The following ATP10B variants were observed in gnomAD, a reference collection of about 807,000 sequenced individuals.
ATP10B encodes the protein phospholipid-transporting ATPase VB.
Under a neutral mutation model 141.2 loss-of-function variants are expected in ATP10B, and 122 were observed. That is an observed-to-expected ratio of 0.86 (90% CI 0.75 to 1.00). The LOEUF is 1.00. Ranked by LOEUF, ATP10B falls within the 50% of genes least tolerant of loss-of-function variation. The pLI is 0.00. For synonymous variants in ATP10B, 685 were observed against 692.0 expected (o/e 0.99, Z 0.16); for missense variants, 1,876 against 1,825.3 (o/e 1.03, Z -0.51).
chr5:160,699,186 T>C (rs1247244255), intron 3 of ATP10B, among the ~76,000 whole-genome samples: 3 of 152,234 alleles, frequency 2.0e-5, no homozygotes, highest in Non-Finnish European at 4.4e-5. Context: ...AAAAAGACAG[T>C]GCAGGCAATA....
At chr5:160,715,374 T>G (rs1765557379) in intron 3 of ATP10B, among the ~76,000 whole-genome samples, 1 of 141,244 alleles carries the variant, frequency 7.1e-6, no homozygotes, top group Non-Finnish European at 1.5e-5. Flanking sequence ...AGTGACCCGA[T>G]TTTCCAGGTG....
Position 160,593,387 on chromosome 5 carries a change from G to A in ATP10B, c.3565-2248C>T, listed in dbSNP as rs1756458292. On this transcript the variant is annotated intron_variant, in intron 22 of 25. Transcript: ENST00000327245. ...CTGTTAGAAGGAAAACTAACAAATAGAAAGGACATCCACAGCAAAAACCCA... is the reference window on the plus strand; with the variant it reads ...CTGTTAGAAGGAAAACTAACAAATAAAAAGGACATCCACAGCAAAAACCCA... Among the ~76,000 whole-genome samples the A allele has an allele frequency of 2.0e-5, 3 of 152,292 alleles. No individual in the cohort carries two copies. In the South Asian group the frequency reaches 6.2e-4, roughly 32 times the overall value.
intron 24 of ATP10B, among the ~76,000 whole-genome samples, chr5:160,581,074 T>G (rs1400280368): frequency 1.3e-5 from 2 of 152,206 alleles, no homozygotes; most frequent in African/African-American, 4.8e-5. Flanking sequence ...GTCTATTTTG[T>G]TAATCTTTTC....
chr5:160,693,340 G>T (rs1764179808), intron 3 of ATP10B, among the ~76,000 whole-genome samples: 1 of 147,224 alleles, frequency 6.8e-6, no homozygotes, highest in African/African-American at 2.5e-5. Flanking sequence ...AACACTCTTG[G>T]TTTTAGGAAA....
chr5:160,904,504 C>CGTGT, the ATP10B span, among the ~76,000 whole-genome samples: 87,188 of 151,266 alleles, frequency 0.58, 25,403 homozygotes, highest in South Asian at 0.64. Flanking sequence ...TCTGGGTGTG[C>CGTGT]GTGTGTATGT....
chr5:160,860,448 C>T, the ATP10B span, among the ~76,000 whole-genome samples: 13 of 151,800 alleles, frequency 8.6e-5, no homozygotes, highest in African/African-American at 2.9e-4. Context: ...AGGCTTGGTT[C>T]TTCCTCTAGA....
the ATP10B span, among the ~76,000 whole-genome samples, chr5:160,906,838 G>C: frequency 6.6e-6 from 1 of 152,194 alleles, no homozygotes. Flanking sequence ...TGGCAGAGAG[G>C]AAAGACAGAA....
intron 9 of ATP10B, among the ~76,000 whole-genome samples, chr5:160,643,038 G>GAGTCTGGAC (rs1218682823): frequency 6.6e-6 from 1 of 152,014 alleles, no homozygotes; most frequent in Non-Finnish European, 1.5e-5. Context: ...GATTGCTGGA[G>GAGTCTGGAC]AGTTCATTTT....
At chr5:160,603,232 T>C (rs1757194831) in intron 20 of ATP10B, 1 of 155,404 alleles carries the variant, frequency 6.4e-6, no homozygotes, top group Admixed American at 6.2e-5. Flanking sequence ...AACATGCCTG[T>C]TTATAAGTCC....
intron 2 of ATP10B, among the ~76,000 whole-genome samples, chr5:160,771,630 CAT>C (rs994836653): frequency 2.4e-4 from 37 of 152,210 alleles, no homozygotes; most frequent in Admixed American, 8.5e-4. Flanking sequence ...CATAATCTCA[CAT>C]AGTCTCTCCC....
At chr5:160,719,679 A>T (rs571251222) in intron 2 of ATP10B, among the ~76,000 whole-genome samples, 1 of 152,318 alleles carries the variant, frequency 6.6e-6, no homozygotes, top group East Asian at 1.9e-4. Flanking sequence ...TACTATAAAT[A>T]TTATTGTCCT....
chr5:160,573,890 G>A (rs187760530), intron 24 of ATP10B, among the ~76,000 whole-genome samples: 2 of 152,056 alleles, frequency 1.3e-5, no homozygotes, highest in South Asian at 4.2e-4. Flanking sequence ...GAATATTTAG[G>A]CCCCCTTTTG....
intron 2 of ATP10B, among the ~76,000 whole-genome samples, chr5:160,743,854 G>A (rs896803850): frequency 4.6e-5 from 7 of 152,048 alleles, no homozygotes; most frequent in South Asian, 4.2e-4. Context: ...TTTGATTGTC[G>A]AAAGTAGGGG....
chr5:160,610,303 C>G (rs1370975247), intron 18 of ATP10B, among the ~76,000 whole-genome samples: 1 of 152,132 alleles, frequency 6.6e-6, no homozygotes, highest in Non-Finnish European at 1.5e-5. Flanking sequence ...TGTGGAGAGG[C>G]CCACAGAGTG....
intron 11 of ATP10B, among the ~76,000 whole-genome samples, chr5:160,635,567 C>A (rs1001793835): frequency 6.6e-6 from 1 of 152,184 alleles, no homozygotes; most frequent in Non-Finnish European, 1.5e-5. Context: ...ATGAAACATC[C>A]TCCAATACTA....
chr5:160,859,045 A>ATTTTGTCT, the ATP10B span, among the ~76,000 whole-genome samples: 2 of 151,866 alleles, frequency 1.3e-5, no homozygotes, highest in African/African-American at 4.8e-5. Context: ...AAGATTACTT[A>ATTTTGTCT]TTTTGTCTTT....
At chr5:160,900,792 AT>A in the ATP10B span, among the ~76,000 whole-genome samples, 281 of 112,486 alleles carry the variant, frequency 2.5e-3, no homozygotes, top group South Asian at 7.1e-3. Flanking sequence ...TAAGATTTAC[AT>A]TTTTTTTTTA....
intron 2 of ATP10B, among the ~76,000 whole-genome samples, chr5:160,748,718 ATT>A (rs1193866734): frequency 6.6e-6 from 1 of 152,196 alleles, no homozygotes; most frequent in Non-Finnish European, 1.5e-5. Context: ...TGTGATGTTA[ATT>A]GGTTTCATAA....
the ATP10B span, among the ~76,000 whole-genome samples, chr5:160,901,838 T>C: frequency 6.6e-6 from 1 of 152,234 alleles, no homozygotes; most frequent in Non-Finnish European, 1.5e-5. Flanking sequence ...GTTCAGAGAA[T>C]AGGTTATTGA....
Sources: gnomAD v4.1 joint callset for allele counts (sites outside exome capture counted in the v4.1 genomes callset) on GRCh38, gnomAD v4.1.1 for gene constraint, MANE v1.5 for transcripts, NCBI Gene and HGNC (gene_info 2026-07-23, HGNC 2026-07-21) for gene names.